The following CHST8 variants were observed in gnomAD, a reference collection of about 807,000 sequenced individuals.
CHST8 encodes carbohydrate sulfotransferase 8, also known as GALNAC-4-ST1.
In CHST8, 10 loss-of-function variants were observed where a neutral mutation model predicts 15.0. The observed-to-expected ratio is 0.67, with a 90% CI of 0.41 to 1.13. CHST8 has a LOEUF of 1.13. Among genes scored for constraint, CHST8 ranks in the 50% most tolerant of loss-of-function variants. The pLI is 0.00. For missense variants in CHST8, 634 were observed against 608.2 expected (o/e 1.04, Z -0.45); for synonymous variants, 259 against 256.6 (o/e 1.01, Z -0.09).
chr19:33,666,282 T>A (rs576705896), intron 1 of CHST8, among the ~76,000 whole-genome samples: 1 of 152,100 alleles, frequency 6.6e-6, no homozygotes, highest in South Asian at 2.1e-4. Flanking sequence ...CCAGGCTGAG[T>A]GTGAGCATGT....
chr19:33,680,354 C>T (rs1972870248), intron 2 of CHST8, among the ~76,000 whole-genome samples: 1 of 152,144 alleles, frequency 6.6e-6, no homozygotes, highest in South Asian at 2.1e-4. Context: ...CTAACCTGTG[C>T]TCTGTAATAT....
intron 3 of CHST8, among the ~76,000 whole-genome samples, chr19:33,757,538 AAG>A (rs1568358924): frequency 1.4e-5 from 1 of 72,538 alleles, no homozygotes; most frequent in Non-Finnish European, 2.8e-5. Context: ...GAAAGAAAGA[AAG>A]AAAGAAAGAA....
intron 2 of CHST8, among the ~76,000 whole-genome samples, chr19:33,669,355 C>T (rs1203634378): frequency 4.6e-5 from 7 of 152,160 alleles, no homozygotes; most frequent in African/African-American, 1.4e-4. Flanking sequence ...CAGCTCATAT[C>T]AAAGATGGAT....
intron 3 of CHST8, among the ~76,000 whole-genome samples, chr19:33,704,204 C>T (rs919626004): frequency 1.3e-5 from 2 of 152,234 alleles, no homozygotes; most frequent in African/African-American, 4.8e-5. Flanking sequence ...CCCCTCACTA[C>T]ATCTGGTTGT....
At chr19:33,732,362 C>T (rs373673257) in intron 3 of CHST8, among the ~76,000 whole-genome samples, 78 of 152,132 alleles carry the variant, frequency 5.1e-4, no homozygotes, top group Admixed American at 1.4e-3. Context: ...TAGCACCAGA[C>T]GCCACAAGTA....
chr19:33,716,295 A>C (rs1293701689), intron 3 of CHST8, among the ~76,000 whole-genome samples: 2 of 152,120 alleles, frequency 1.3e-5, no homozygotes. Context: ...CTTGTGGTGG[A>C]GGCTGTCCTC....
intron 1 of CHST8, among the ~76,000 whole-genome samples, chr19:33,631,732 G>A (rs919207749): frequency 2.0e-5 from 3 of 152,128 alleles, no homozygotes; most frequent in Non-Finnish European, 4.4e-5. Flanking sequence ...ACGAGTTAAT[G>A]TGTCAGCGCA....
Position 33,773,279 on chromosome 19 carries a change from TGGCTGAGGGAGA to T in CHST8, c.*224_*235del. On this transcript the variant is annotated 3_prime_UTR_variant, in exon 5 of 5. Transcript: ENST00000650847. ...GGCCTGTACCTGTTTCCTCATTCCT[TGGCTGAGGGAGA>T]GGCTGAGAACTGGGCAGACACCCCT... is the stretch of plus-strand genomic sequence containing the variant. The T allele has an allele frequency of 1.7e-6, 1 of 586,760 alleles. No homozygotes were observed. Among genetic ancestry groups the T allele is most frequent in the Non-Finnish European group, 3.0e-6 (1 of 335,852 alleles). 36.3% of individuals were successfully genotyped at this position (586,760 alleles called of 1,614,324 possible).
intron 1 of CHST8, among the ~76,000 whole-genome samples, chr19:33,653,833 C>A (rs1443461828): frequency 6.6e-6 from 1 of 152,172 alleles, no homozygotes; most frequent in Non-Finnish European, 1.5e-5. Flanking sequence ...GTCAGCTCTA[C>A]GTAAACCTTG....
rs369999632 is a variant in CHST8, at chr19:33,638,404, G to A, written c.-164+16108G>A. On this transcript the variant is annotated intron_variant, in intron 1 of 4. Transcript: ENST00000650847. The stretch of plus-strand genomic sequence containing the variant: ...CGTGGGTTTTCGCAAGGGGAAATTT[G>A]ATCTCGGGCAAATGTCAAGGCGTTT... 1.1e-4 allele frequency among the ~76,000 whole-genome samples: 17 copies of A among 152,198 alleles called. 1 individual carries two copies. Among genetic ancestry groups the A allele is most frequent in the East Asian group, 9.6e-4 (5 of 5,200 alleles).
chr19:33,670,787 T>C (rs1389146836), intron 2 of CHST8, among the ~76,000 whole-genome samples: 1 of 152,182 alleles, frequency 6.6e-6, no homozygotes, highest in Non-Finnish European at 1.5e-5. Context: ...GGGGGCTCTG[T>C]TCATCTCCCC....
chr19:33,689,250 A>G lies in CHST8; in HGVS notation c.-12A>G. ...CCCCACACCCAAGAGGTGACCCCTGAGCCAGCCCCGGATGACCCTGCGACC... is the reference window on the plus strand; with the variant it reads ...CCCCACACCCAAGAGGTGACCCCTGGGCCAGCCCCGGATGACCCTGCGACC... On this transcript the variant is annotated 5_prime_UTR_variant, in exon 3 of 5. Coordinates refer to ENST00000650847, the MANE Select transcript of CHST8 (RefSeq NM_001127895.2). The G allele has an allele frequency of 6.4e-7, 1 of 1,565,792 alleles. No homozygotes were observed.
intron 1 of CHST8, among the ~76,000 whole-genome samples, chr19:33,664,903 T>C (rs1486255289): frequency 6.6e-6 from 1 of 152,192 alleles, no homozygotes; most frequent in Non-Finnish European, 1.5e-5. Context: ...TCCAGTTCCA[T>C]CCATGTTGCT....
At chr19:33,643,182 C>A (rs1370884367) in intron 1 of CHST8, among the ~76,000 whole-genome samples, 1 of 152,198 alleles carries the variant, frequency 6.6e-6, no homozygotes, top group East Asian at 1.9e-4. Flanking sequence ...TCCAGAAAGA[C>A]CAAGCGGTGC....
chr19:33,671,714 C>A (rs777288657), intron 2 of CHST8, among the ~76,000 whole-genome samples: 4 of 152,116 alleles, frequency 2.6e-5, no homozygotes, highest in Middle Eastern at 6.8e-3. Context: ...TCCTCCTCCC[C>A]CTACTGTGTT....
At chr19:33,700,697 G>A (rs1275617613) in intron 3 of CHST8, among the ~76,000 whole-genome samples, 1 of 152,200 alleles carries the variant, frequency 6.6e-6, no homozygotes, top group East Asian at 1.9e-4. Flanking sequence ...TCCTAGGCCA[G>A]GCCAGCCATC....
At chr19:33,650,518 C>CTTTTCT (rs1972428902) in intron 1 of CHST8, among the ~76,000 whole-genome samples, 2 of 36,108 alleles carry the variant, frequency 5.5e-5, no homozygotes, top group African/African-American at 2.6e-4. Context: ...TTTTTCTTTT[C>CTTTTCT]TTTTTTTTTT....
intron 3 of CHST8, among the ~76,000 whole-genome samples, chr19:33,712,193 T>C (rs542136435): frequency 1.3e-5 from 2 of 152,314 alleles, no homozygotes; most frequent in African/African-American, 4.8e-5. Context: ...AGCCCACTCC[T>C]AGAGCTGGGT....
At chr19:33,736,076 G>T (rs533888364) in intron 3 of CHST8, among the ~76,000 whole-genome samples, 6 of 152,214 alleles carry the variant, frequency 3.9e-5, no homozygotes, top group Non-Finnish European at 8.8e-5. Context: ...GGGATCCCAG[G>T]CCCAGCCTGC....
Sources: gnomAD v4.1 joint callset for allele counts (sites outside exome capture counted in the v4.1 genomes callset) on GRCh38, gnomAD v4.1.1 for gene constraint, MANE v1.5 for transcripts, NCBI Gene and HGNC (gene_info 2026-07-23, HGNC 2026-07-21) for gene names.